NDUFB6: variants seen among roughly 807,000 people sequenced by gnomAD.
NDUFB6 encodes NADH dehydrogenase [ubiquinone] 1 beta subcomplex subunit 6.
In NDUFB6, 23 loss-of-function variants were observed where a neutral mutation model predicts 17.5. The observed-to-expected ratio is 1.31, with a 90% CI of 0.94 to 1.86. NDUFB6 has a LOEUF of 1.86. NDUFB6 is among the 40% of genes most tolerant of loss of function. The pLI is 0.00. For missense variants in NDUFB6, 167 were observed against 153.8 expected (o/e 1.09, Z -0.46); for synonymous variants, 60 against 53.5 (o/e 1.12, Z -0.53).
intron 2 of NDUFB6, chr9:32,567,317 C>A: frequency 2.1e-6 from 1 of 470,028 alleles, no homozygotes; most frequent in Non-Finnish European, 4.4e-6. Context: ...CGTCTCTGTG[C>A]CATATTTTGG....
chr9:32,562,366 A>G (rs376616514), intron 2 of NDUFB6, among the ~76,000 whole-genome samples: 24 of 152,294 alleles, frequency 1.6e-4, no homozygotes, highest in African/African-American at 5.5e-4. Context: ...GTCAGCAATC[A>G]GAATTTTAAA....
In NDUFB6 at chr9:32,573,029, C is replaced by T. The variant is rs545560509; in HGVS notation, c.32G>A (p.Arg11Gln). 238 of 1,598,752 alleles carry T rather than the reference C, an allele frequency of 1.5e-4. 2 individuals are homozygous for T. The South Asian group carries it at 2.4e-3, about 16-fold the overall frequency. Residue 11 changes from arginine (R) to glutamine (Q), a missense_variant, in exon 1 of 4, where the codon CGG becomes CAG. Coordinates refer to ENST00000379847, the MANE Select transcript of NDUFB6 (RefSeq NM_002493.5). The part of the protein sequence containing the change: MTGYTPDEKL[R>Q]LQQLRELRRR... ...TCTCAGCTCTCGCAGCTGCTGCAGC[C>T]GCAGTTTCTCATCCGGAGTGTACCC...
intron 3 of NDUFB6, among the ~76,000 whole-genome samples, chr9:32,556,846 CTTTTTTTTTT>C (rs10703297): frequency 1.9e-4 from 16 of 82,340 alleles, no homozygotes; most frequent in African/African-American, 5.6e-4. Context: ...AAATCCCCTA[CTTTTTTTTTT>C]TTTTTTTTTT....
At chr9:32,565,740 G>C (rs931281762) in intron 2 of NDUFB6, 1 of 153,802 alleles carries the variant, frequency 6.5e-6, no homozygotes, top group African/African-American at 2.4e-5. Flanking sequence ...GGTAGGCCGA[G>C]GCAGGTGGAT....
intron 2 of NDUFB6, among the ~76,000 whole-genome samples, chr9:32,565,919 C>A (rs1048855131): frequency 3.3e-5 from 5 of 152,082 alleles, no homozygotes; most frequent in African/African-American, 1.2e-4. Context: ...TTGCAGTGAG[C>A]CAGGATCACA....
Position 32,553,899 on chromosome 9 carries a change from C to G in NDUFB6, c.364G>C (p.Glu122Gln). Residue 122 changes from glutamate (E) to glutamine (Q), a missense_variant, in exon 4 of 4, where the codon GAA (glutamate) becomes CAA (glutamine). Coordinates refer to ENST00000379847, the MANE Select transcript of NDUFB6 (RefSeq NM_002493.5). ...CTTTAATGATGTTGATCAGGAAATT[C>G]TTTCATTGGTGGAATTACTTCTCCA... ...ETGEVIPPMK[E>Q]FPDQHH The G allele has an allele frequency of 6.3e-7, 1 of 1,597,286 alleles. No homozygotes were observed. The highest frequency in any genetic ancestry group is 8.6e-7 in the Non-Finnish European group (1 of 1,165,712).
At chr9:32,563,491 C>CTTTTTTTTTTTTTTTTTTTTTTTTTTTT (rs111646430) in intron 2 of NDUFB6, among the ~76,000 whole-genome samples, 1 of 92,002 alleles carries the variant, frequency 1.1e-5, no homozygotes, top group Admixed American at 1.1e-4. Flanking sequence ...GACTATTGGG[C>CTTTTTTTTTTTTTTTTTTTTTTTTTTTT]TTTTTTTTTT....
At chr9:32,563,907 A>G (rs1049034583) in intron 2 of NDUFB6, among the ~76,000 whole-genome samples, 7 of 152,126 alleles carry the variant, frequency 4.6e-5, no homozygotes, top group African/African-American at 1.4e-4. Context: ...TGTTCCCATC[A>G]TTCTTTCAGC....
chr9:32,572,820 TGTTCA>T (rs1821972311), intron 1 of NDUFB6, 56 bp downstream of exon 1: 2 of 1,428,670 alleles, frequency 1.4e-6, no homozygotes, highest in Non-Finnish European at 1.9e-6. Context: ...GGACGTTCAG[TGTTCA>T]GGCTGCCGGC....
At chr9:32,571,470 ACAT>A (rs1207837972) in intron 1 of NDUFB6, among the ~76,000 whole-genome samples, 2 of 152,180 alleles carry the variant, frequency 1.3e-5, no homozygotes, top group Non-Finnish European at 2.9e-5. Context: ...AATGACACTC[ACAT>A]CATTTTAGGT....
At chr9:32,566,975 C>T (rs1245537773) in intron 2 of NDUFB6, 11 of 509,370 alleles carry the variant, frequency 2.2e-5, no homozygotes, top group Non-Finnish European at 3.4e-5. Context: ...TCGTCGAGGA[C>T]GCTTCGGTCA....
At chr9:32,569,221 TTTTC>T (rs1821888319) in intron 2 of NDUFB6, among the ~76,000 whole-genome samples, 1 of 152,072 alleles carries the variant, frequency 6.6e-6, no homozygotes, top group African/African-American at 2.4e-5. Flanking sequence ...GTTTTTGTTT[TTTTC>T]TTTTTCTTTT....
At chr9:32,568,515 C>T in intron 2 of NDUFB6, 1 of 192,988 alleles carries the variant, frequency 5.2e-6, no homozygotes, top group Non-Finnish European at 1.2e-5. Flanking sequence ...TTTGAAAGGC[C>T]TGACTCCAAT....
chr9:32,565,953 C>T (rs908912900), intron 2 of NDUFB6, among the ~76,000 whole-genome samples: 1 of 151,648 alleles, frequency 6.6e-6, no homozygotes, highest in Non-Finnish European at 1.5e-5. Flanking sequence ...GCCTGGGCAA[C>T]GAAAGTGAAA....
intron 2 of NDUFB6, chr9:32,568,731 C>CATATATATAT (rs774854110): frequency 0.013 from 1,176 of 92,894 alleles, 23 homozygotes; most frequent in South Asian, 0.034. Context: ...TGTGTGTGTG[C>CATATATATAT]ATATATATAT....
chr9:32,572,892 A>G lies in NDUFB6; in HGVS notation c.169T>C (p.Trp57Arg). 6.3e-7 allele frequency: 1 copy of G among 1,590,430 alleles called. No homozygotes were observed. Among genetic ancestry groups the G allele is most frequent in the Non-Finnish European group, 8.6e-7 (1 of 1,167,826 alleles). Residue 57 changes from tryptophan to arginine, a missense_variant, in exon 1 of 4, where the codon TGG becomes CGG. Transcript: ENST00000379847. ...GGTCTGTCACTCACCATTTTCCTCC[A>G]AGGGGATTTATTCTCCAAAAATTTA... ...WNKFLENKSP[W>R]RKMVHGVYKK...
chr9:32,571,087 T>C, intron 1 of NDUFB6, 35 bp from the exon 2 acceptor site: 3 of 1,401,772 alleles, frequency 2.1e-6, no homozygotes, highest in South Asian at 1.2e-5. Flanking sequence ...AATAAACATA[T>C]CCCATTTTTT....
At chr9:32,559,681 T>G (rs1477031893) in intron 2 of NDUFB6, among the ~76,000 whole-genome samples, 4 of 152,216 alleles carry the variant, frequency 2.6e-5, no homozygotes, top group African/African-American at 9.6e-5. Context: ...CAAAGATCAC[T>G]TCCTCAGAGA....
At chr9:32,567,219 C>T (rs1489480742) in intron 2 of NDUFB6, 1 of 474,286 alleles carries the variant, frequency 2.1e-6, no homozygotes, top group Non-Finnish European at 4.4e-6. Context: ...CAGGGCTCTA[C>T]ACCAGGTGTG....
Sources: allele counts gnomAD v4.1 joint callset (sites outside exome capture counted in the v4.1 genomes callset), GRCh38; gene constraint gnomAD v4.1.1; transcripts MANE v1.5; gene names NCBI Gene and HGNC (gene_info 2026-07-23, HGNC 2026-07-21).